Variants in PHF6 observed in about 807,000 individuals in gnomAD.
PHF6 encodes PHD finger protein 6.
PHF6 carries 7 observed loss-of-function variants against 34.0 expected under a neutral mutation model. The observed-to-expected ratio is 0.21, with a 90% confidence interval of 0.12 to 0.39. The LOEUF (loss-of-function observed/expected upper bound fraction) is 0.39. Among genes scored for constraint, PHF6 ranks in the 10% least tolerant of loss-of-function variants. The pLI is 1.00. For synonymous variants in PHF6, 89 were observed against 88.4 expected, an observed-to-expected ratio of 1.01 and a Z score of -0.04; for missense variants, 128 against 262.8, an observed-to-expected ratio of 0.49 and a Z score of 3.55.
At chrX:134,390,862 G>T (rs2077350094) in intron 3 of PHF6, among the ~76,000 whole-genome samples, 1 of 110,243 alleles carries the variant, frequency 9.1e-6, no homozygotes, top group African/African-American at 3.3e-5. Flanking sequence ...ATTACACATA[G>T]ATCTTCCTGA....
rs1325097483 is a variant in PHF6 at position 134,427,744 on chromosome X, A to G, written c.*2084A>G. On this transcript the variant is annotated 3_prime_UTR_variant, in exon 11 of 11. Coordinates refer to ENST00000370803, the MANE Select transcript of PHF6 (RefSeq NM_001015877.2). ...GTGATTGGCTAAACAATCTCGCATT[A>G]AAAATTCAAATGTAAATTGAATTCA... 3 of 160,129 alleles carry G rather than the reference A, an allele frequency of 1.9e-5. No homozygotes were observed. Among genetic ancestry groups the G allele is most frequent in the Non-Finnish European group, 3.6e-5 (3 of 82,498 alleles). The allele number at this position is 160,129 out of a possible 1,213,427, so 13.2% of individuals were successfully genotyped here. A position where few individuals can be genotyped will look rare whatever the true frequency, so the allele number is the denominator to read the frequency against.
intron 5 of PHF6, 58 bp from the exon 6 acceptor site, chrX:134,413,433 T>A (rs1293212910): frequency 8.8e-7 from 1 of 1,132,104 alleles, no homozygotes; most frequent in Non-Finnish European, 1.2e-6. Flanking sequence ...TAAAGACCCA[T>A]GAACTAATAC....
At position 134,384,548 on chromosome X, in the gene PHF6, ATTC is replaced by A. The variant is rs545173409; in HGVS notation, c.240+6450_240+6452del. ...CACCACGCCCACTCCCTGAAACCTG[ATTC>A]TTCTTCTGAATCCTTTACCATCAAC... On this transcript the variant is annotated intron_variant, in intron 3 of 10. Coordinates refer to ENST00000370803, the MANE Select transcript of PHF6 (RefSeq NM_001015877.2). 5.9e-4 allele frequency among the ~76,000 whole-genome samples: 63 copies of A among 107,651 alleles called. 1 individual carries two copies. In the South Asian group the frequency reaches 0.022, roughly 37 times the overall value. The allele number at this position is 107,651 out of a possible 115,157, so 93.5% of individuals were successfully genotyped here.
intron 3 of PHF6, 73 bp from the exon 4 acceptor site, chrX:134,393,428 G>C: frequency 9.3e-7 from 1 of 1,069,808 alleles, no homozygotes; most frequent in South Asian, 2.1e-5. Context: ...GACAGAAATT[G>C]ATATGCCTCT....
chrX:134,374,713 C>T (rs932428480), intron 1 of PHF6, among the ~76,000 whole-genome samples: 1 of 112,398 alleles, frequency 8.9e-6, no homozygotes, highest in Non-Finnish European at 1.9e-5. Context: ...CTTGGTGCTT[C>T]GCAGCATCTT....
At chrX:134,401,974 TTTTGTTTGTTTGTTTG>T (rs199723713) in intron 5 of PHF6, among the ~76,000 whole-genome samples, 2 of 108,802 alleles carry the variant, frequency 1.8e-5, no homozygotes, top group Admixed American at 2.0e-4. Flanking sequence ...ATTGGTTGTT[TTTTGTTTGTTTGTTTG>T]TTTGTTTGTT....
At chrX:134,379,076 C>T (rs1396021550) in intron 3 of PHF6, among the ~76,000 whole-genome samples, 2 of 112,083 alleles carry the variant, frequency 1.8e-5, no homozygotes, top group Admixed American at 1.9e-4. Flanking sequence ...ACTAAATAAC[C>T]TCTTATTTCA....
intron 3 of PHF6, 88 bp downstream of exon 3, chrX:134,378,194 T>C: frequency 3.6e-6 from 2 of 548,982 alleles, no homozygotes; most frequent in South Asian, 6.4e-5. Flanking sequence ...ATTGCATTAT[T>C]AACTGAGTAT....
At chrX:134,393,830 G>T (rs893624089) in intron 4 of PHF6, 79 bp from the exon 5 acceptor site, 4 of 932,916 alleles carry the variant, frequency 4.3e-6, no homozygotes, top group African/African-American at 3.9e-5. Context: ...TGGGTGAAGT[G>T]TACTGCTCGT....
At chrX:134,412,865 A>C (rs185125049) in intron 5 of PHF6, among the ~76,000 whole-genome samples, 2 of 111,991 alleles carry the variant, frequency 1.8e-5, no homozygotes, top group Non-Finnish European at 3.8e-5. Flanking sequence ...TAATTACTTG[A>C]TCCATTAGTT....
At chrX:134,391,820 T>A (rs936250929) in intron 3 of PHF6, among the ~76,000 whole-genome samples, 3 of 111,598 alleles carry the variant, frequency 2.7e-5, no homozygotes, top group African/African-American at 9.8e-5. Context: ...GCTTTTTTGT[T>A]TTCCAGAATT....
intron 5 of PHF6, among the ~76,000 whole-genome samples, chrX:134,405,657 C>A (rs1368675374): frequency 1.8e-5 from 2 of 110,833 alleles, no homozygotes; most frequent in Non-Finnish European, 3.8e-5. Context: ...CTTTACCCCC[C>A]ACTCACTTTC....
chrX:134,394,229 G>A (rs972202977), intron 5 of PHF6, among the ~76,000 whole-genome samples: 9 of 109,893 alleles, frequency 8.2e-5, no homozygotes, highest in Non-Finnish European at 1.7e-4. Context: ...TACCTTTCAG[G>A]TTCGAGCAAT....
At chrX:134,378,635 G>A (rs1373885181) in intron 3 of PHF6, among the ~76,000 whole-genome samples, 5 of 112,596 alleles carry the variant, frequency 4.4e-5, no homozygotes, top group Non-Finnish European at 9.4e-5. Flanking sequence ...CTGCGTTAGA[G>A]TAATGTTCCC....
At chrX:134,425,145 G>T (rs147769425) in intron 9 of PHF6, 56 bp from the exon 10 acceptor site, 207 of 1,190,735 alleles carry the variant, frequency 1.7e-4, no homozygotes, top group Middle Eastern at 2.4e-4. Flanking sequence ...ATGTTGGCAG[G>T]AATGTTCATC....
chrX:134,399,354 T>C (rs183443720), intron 5 of PHF6, among the ~76,000 whole-genome samples: 2 of 111,187 alleles, frequency 1.8e-5, no homozygotes, highest in South Asian at 3.8e-4. Context: ...ATCCATAGAA[T>C]GTACCACACT....
chrX:134,404,381 G>C (rs758463014), intron 5 of PHF6, among the ~76,000 whole-genome samples: 2 of 112,256 alleles, frequency 1.8e-5, no homozygotes, highest in African/African-American at 6.5e-5. Context: ...GGACTAGATT[G>C]CTGCAATCTC....
At chrX:134,381,096 G>A (rs1450443762) in intron 3 of PHF6, among the ~76,000 whole-genome samples, 2 of 110,691 alleles carry the variant, frequency 1.8e-5, no homozygotes, top group African/African-American at 6.6e-5. Context: ...ACTTGAGACC[G>A]TCTGTCCGCC....
intron 3 of PHF6, among the ~76,000 whole-genome samples, chrX:134,385,326 G>A (rs751223870): frequency 5.4e-5 from 6 of 111,523 alleles, no homozygotes; most frequent in Middle Eastern, 4.7e-3. Context: ...CTTCATTTCT[G>A]TCATATAGCA....
Sources: allele counts gnomAD v4.1 joint callset (sites outside exome capture counted in the v4.1 genomes callset), GRCh38; gene constraint gnomAD v4.1.1; transcripts MANE v1.5; gene names NCBI Gene and HGNC (gene_info 2026-07-23, HGNC 2026-07-21).